The following PJA2 variants were observed in gnomAD, a reference collection of about 807,000 sequenced individuals.
PJA2 encodes E3 ubiquitin-protein ligase Praja-2.
PJA2 carries 25 observed loss-of-function variants against 69.3 expected under a neutral mutation model. The ratio of observed to expected loss-of-function variants is 0.36; its 90% CI spans 0.26 to 0.50. The LOEUF is 0.50. Ranked by LOEUF, PJA2 falls within the 20% of genes least tolerant of loss-of-function variation. The pLI, the probability that PJA2 is intolerant of heterozygous loss-of-function variation, is 0.96. For synonymous variants in PJA2, 308 were observed against 277.8 expected, an observed-to-expected ratio of 1.11 and a Z score of -1.08; for missense variants, 809 against 830.2, an observed-to-expected ratio of 0.97 and a Z score of 0.31.
chr5:109,353,053 G>T (rs1291558677), intron 7 of PJA2, among the ~76,000 whole-genome samples: 2 of 126,734 alleles, frequency 1.6e-5, no homozygotes, highest in Non-Finnish European at 3.3e-5. Flanking sequence ...CTATATCATA[G>T]ACATCTATAT....
intron 1 of PJA2, among the ~76,000 whole-genome samples, chr5:109,400,256 A>C (rs1178388296): frequency 6.6e-6 from 1 of 151,264 alleles, no homozygotes; most frequent in Non-Finnish European, 1.5e-5. Flanking sequence ...ACACCACTGC[A>C]CTCCAGTCTG....
At chr5:109,358,107 C>G (rs1447588201) in intron 6 of PJA2, among the ~76,000 whole-genome samples, 3 of 152,230 alleles carry the variant, frequency 2.0e-5, no homozygotes, top group Non-Finnish European at 4.4e-5. Flanking sequence ...TAAACAAAAT[C>G]TCTGCAGCAC....
At chr5:109,369,644 C>T (rs999534300) in intron 4 of PJA2, among the ~76,000 whole-genome samples, 3 of 151,996 alleles carry the variant, frequency 2.0e-5, no homozygotes, top group Non-Finnish European at 4.4e-5. Flanking sequence ...CTTCCTTTTT[C>T]CCAAAGAACT....
chr5:109,391,195 C>T (rs1582623821), intron 1 of PJA2, among the ~76,000 whole-genome samples: 2 of 152,170 alleles, frequency 1.3e-5, no homozygotes, highest in African/African-American at 4.8e-5. Context: ...CAGTTTAACT[C>T]CTCCATGTCC....
intron 1 of PJA2, among the ~76,000 whole-genome samples, chr5:109,409,639 G>A (rs1019746522): frequency 2.0e-5 from 3 of 152,002 alleles, no homozygotes; most frequent in African/African-American, 7.2e-5. Flanking sequence ...GGGCTGGACA[G>A]GGCCCAGGAG....
chr5:109,393,994 A>G (rs1234701007), intron 1 of PJA2, among the ~76,000 whole-genome samples: 6 of 151,844 alleles, frequency 4.0e-5, no homozygotes, highest in Non-Finnish European at 8.8e-5. Flanking sequence ...GACAAAAAGA[A>G]TAAGGTATTA....
At chr5:109,390,197 C>T (rs1490720588) in intron 1 of PJA2, among the ~76,000 whole-genome samples, 1 of 151,970 alleles carries the variant, frequency 6.6e-6, no homozygotes, top group Non-Finnish European at 1.5e-5. Context: ...TATTTAAAAT[C>T]TCCAGCTAGG....
At chr5:109,374,669 AAAGTAAGTTGTCCCAACATTTTACCTT>A (rs1187002253) in intron 4 of PJA2, among the ~76,000 whole-genome samples, 1 of 152,202 alleles carries the variant, frequency 6.6e-6, no homozygotes, top group African/African-American at 2.4e-5. Flanking sequence ...CATCATCAAC[AAAGTAAGTTGTCCCAACATTTTACCTT>A]AAGTAAGGTT....
intron 1 of PJA2, among the ~76,000 whole-genome samples, chr5:109,385,188 TAAG>T (rs1295768034): frequency 3.3e-5 from 5 of 152,210 alleles, no homozygotes; most frequent in Middle Eastern, 3.2e-3. Flanking sequence ...ACTTCTGTTT[TAAG>T]AAGAATGCTC....
At chr5:109,365,706 A>T (rs1762575517) in intron 5 of PJA2, among the ~76,000 whole-genome samples, 1 of 152,182 alleles carries the variant, frequency 6.6e-6, no homozygotes, top group South Asian at 2.1e-4. Flanking sequence ...AACTTGTGTC[A>T]TTAAATCTGT....
At chr5:109,375,085 C>T (rs978944148) in intron 4 of PJA2, among the ~76,000 whole-genome samples, 3 of 152,168 alleles carry the variant, frequency 2.0e-5, no homozygotes, top group Non-Finnish European at 2.9e-5. Flanking sequence ...CAGAGTGTAA[C>T]ATTTCAGATG....
At chr5:109,382,412 C>T (rs554392582) in intron 2 of PJA2, among the ~76,000 whole-genome samples, 2 of 152,282 alleles carry the variant, frequency 1.3e-5, no homozygotes, top group East Asian at 3.9e-4. Flanking sequence ...CAGTAGTAAA[C>T]AGCAGCAACT....
Position 109,334,996 on chromosome 5 carries a change from T to C in PJA2, c.*2235A>G, listed in dbSNP as rs1262231709. Reference sequence around the variant, plus strand: ...ATAAGAAAATGTTAAAAAAATAAAATTAGGTTAAGTCACAACATAAAATAG... The same window carrying C: ...ATAAGAAAATGTTAAAAAAATAAAACTAGGTTAAGTCACAACATAAAATAG... On this transcript the variant is annotated 3_prime_UTR_variant, in exon 10 of 10. Coordinates refer to ENST00000361189, the MANE Select transcript of PJA2 (RefSeq NM_014819.5). 1 of 152,562 alleles carries C rather than the reference T, an allele frequency of 6.6e-6. No homozygotes were observed. The highest frequency in any genetic ancestry group is 1.5e-5 in the Non-Finnish European group (1 of 68,018). 9.5% of individuals were successfully genotyped at this position (152,562 alleles called of 1,614,324 possible).
intron 9 of PJA2, among the ~76,000 whole-genome samples, chr5:109,342,489 C>T (rs1342032522): frequency 5.1e-5 from 7 of 136,284 alleles, no homozygotes; most frequent in Non-Finnish European, 8.0e-5. Context: ...GGTCAGCCCC[C>T]CGCCCGGCCA....
At chr5:109,404,785 C>T (rs1424410118) in intron 1 of PJA2, among the ~76,000 whole-genome samples, 3 of 152,106 alleles carry the variant, frequency 2.0e-5, no homozygotes, top group Non-Finnish European at 2.9e-5. Flanking sequence ...GATTATGTTT[C>T]AATGCTATGA....
At chr5:109,344,888 G>T (rs986325689) in intron 7 of PJA2, 69 bp from the exon 8 acceptor site, 2 of 991,078 alleles carry the variant, frequency 2.0e-6, no homozygotes, top group African/African-American at 1.6e-5. Context: ...TATTTTTAGG[G>T]TATCTCCAAA....
intron 4 of PJA2, among the ~76,000 whole-genome samples, chr5:109,370,446 GT>G (rs1343328416): frequency 6.6e-6 from 1 of 152,130 alleles, no homozygotes; most frequent in Non-Finnish European, 1.5e-5. Context: ...GCTCTGAGAA[GT>G]TTACTAGAAG....
chr5:109,400,878 G>A (rs1747529252), intron 1 of PJA2, among the ~76,000 whole-genome samples: 1 of 152,154 alleles, frequency 6.6e-6, no homozygotes, highest in Non-Finnish European at 1.5e-5. Flanking sequence ...AGTTACTCAG[G>A]AGGCTGAGGC....
intron 9 of PJA2, among the ~76,000 whole-genome samples, chr5:109,341,414 G>T (rs1452504944): frequency 7.1e-6 from 1 of 141,120 alleles, no homozygotes; most frequent in Admixed American, 6.9e-5. Flanking sequence ...CAACCACCCC[G>T]TCTGAGAAGT....
Sources: allele counts gnomAD v4.1 joint callset (sites outside exome capture counted in the v4.1 genomes callset), GRCh38; gene constraint gnomAD v4.1.1; transcripts MANE v1.5; gene names NCBI Gene and HGNC (gene_info 2026-07-23, HGNC 2026-07-21).